SMTN: variants seen among roughly 807,000 people sequenced by gnomAD.
SMTN encodes the protein smoothelin.
Under a neutral mutation model 102.0 loss-of-function variants are expected in SMTN, and 58 were observed. That is an observed-to-expected ratio of 0.57 (90% CI 0.46 to 0.71). The LOEUF (loss-of-function observed/expected upper bound fraction) is 0.71, where lower values mean the gene tolerates loss of function less well. Among genes scored for constraint, SMTN ranks in the 30% least tolerant of loss-of-function variants. SMTN has a pLI of 0.00. For missense variants in SMTN, 1,185 were observed against 1,241.7 expected, an observed-to-expected ratio of 0.95 and a Z score of 0.69; for synonymous variants, 478 against 497.9, an observed-to-expected ratio of 0.96 and a Z score of 0.53.
chr22:31,085,335 A>T lies in SMTN; in HGVS notation c.51+2026A>T, dbSNP rs1217485870. On this transcript the variant is annotated intron_variant, in intron 2 of 20. Coordinates refer to ENST00000333137, the MANE Select transcript of SMTN (RefSeq NM_134269.3). Reference sequence around the variant, plus strand: ...GCGCCCTGCGAGGGAGGGCGGTCGCAGAACCTGCGGGCCTTCAGCGCCCCC... The same window carrying T: ...GCGCCCTGCGAGGGAGGGCGGTCGCTGAACCTGCGGGCCTTCAGCGCCCCC... The T allele has an allele frequency of 2.7e-6, 4 of 1,456,292 alleles. No individual in the cohort carries two copies. The Admixed American group carries it at 9.0e-5, about 33-fold the overall frequency. The allele number at this position is 1,456,292 out of a possible 1,614,324, so 90.2% of individuals were successfully genotyped here. A position where few individuals can be genotyped will look rare whatever the true frequency, so the allele number is the denominator to read the frequency against.
At chr22:31,081,187 G>A (rs1226075656), upstream of SMTN, 1 of 152,084 alleles carries the variant, frequency 6.6e-6, no homozygotes, top group African/African-American at 2.4e-5. Context: ...CTTCCTCTCG[G>A]GGCGTGGCCG....
At chr22:31,093,604 C>A in intron 11 of SMTN, 1 of 756,464 alleles carries the variant, frequency 1.3e-6, no homozygotes, top group East Asian at 2.5e-5. Context: ...GCCGGTGGCC[C>A]GGGCAGCTGA....
In SMTN at chr22:31,091,774, G is replaced by A. The variant is rs760492475; in HGVS notation, c.1559G>A (p.Arg520Gln). 2.8e-5 allele frequency: 45 copies of A among 1,610,308 alleles called. No individual in the cohort carries two copies. The highest frequency in any genetic ancestry group is 9.0e-5 in the East Asian group (4 of 44,644). Residue 520 changes from arginine to glutamine, a missense_variant, in exon 11 of 21, where the codon CGG becomes CAG. Arg to Gln is a conservative substitution (Grantham distance 43). Around this residue, in one of 2 missense-constraint regions of SMTN, gnomAD observed 1,096 missense variants for 1,112.7 expected, o/e 0.98. Transcript: ENST00000333137. The part of the protein sequence containing the change: ...TRVNSPGTLA[R>Q]LGSVTHVTSF... ...GTCAACAGCCCTGGGACCCTGGCTC[G>A]GCTGGGCAGTGTCACTCATGTCACC...
At chr22:31,085,431 A>G (rs1460839446) in intron 2 of SMTN, 2 of 745,940 alleles carry the variant, frequency 2.7e-6, no homozygotes, top group Non-Finnish European at 2.1e-6. Flanking sequence ...GAAAGCCTGG[A>G]GAGCCCCCTC....
intron 16 of SMTN, 58 bp from the exon 17 acceptor site, chr22:31,098,609 T>C: frequency 6.4e-7 from 1 of 1,562,938 alleles, no homozygotes; most frequent in Non-Finnish European, 8.7e-7. Flanking sequence ...CGAGTGGTGG[T>C]CCAGGCTGGG....
At chr22:31,097,177 G>A (rs2043662450) in intron 15 of SMTN, 92 bp from the exon 16 acceptor site, 5 of 1,490,518 alleles carry the variant, frequency 3.4e-6, no homozygotes, top group African/African-American at 1.4e-5. Flanking sequence ...TTCTCTGCCT[G>A]CGGCTATCAC....
At position 31,095,339 on chromosome 22, in the gene SMTN, G is replaced by T; in HGVS notation, c.1669G>T (p.Val557Leu). ...GCCAGCAGAGCCTCTCGCTGCAGCA[G>T]TGGAAGCGGCCAATGGGGCTGAGCA... ...AEPAEPLAAA[V>L]EAANGAEQTR... is the part of the protein sequence containing the mutation. The change falls in exon 12 of 21, where the codon GTG becomes TTG. Residue 557 changes from valine (V) to leucine (L), a missense_variant. Physicochemically the swap from Val to Leu is conservative, Grantham distance 32. Transcript: ENST00000333137. This position sits in a 1 kb window ranked among gnomAD's most constrained non-coding sequence, Gnocchi z 4.1. The T allele has an allele frequency of 6.2e-7, 1 of 1,614,190 alleles. No individual in the cohort carries two copies. Among genetic ancestry groups the T allele is most frequent in the Non-Finnish European group, 8.5e-7 (1 of 1,180,042 alleles).
At chr22:31,077,200 G>A (rs1483239767), upstream of SMTN, among the ~76,000 whole-genome samples, 1 of 152,098 alleles carries the variant, frequency 6.6e-6, no homozygotes, top group Non-Finnish European at 1.5e-5. Flanking sequence ...TTGAACCCAG[G>A]AGTTCGAGAC....
At chr22:31,076,047 C>CG (rs1366463958) in intron 1 of SMTN, among the ~76,000 whole-genome samples, 1 of 152,022 alleles carries the variant, frequency 6.6e-6, no homozygotes, top group Non-Finnish European at 1.5e-5. Flanking sequence ...TCGAGAAGGG[C>CG]GGGTAGGGCA....
Position 31,088,975 on chromosome 22 carries a change from G to T in SMTN, c.471+6G>T, listed in dbSNP as rs372857169. On this transcript the variant is annotated splice_donor_region_variant and intron_variant, in intron 6 of 20. Coordinates refer to ENST00000333137, the MANE Select transcript of SMTN (RefSeq NM_134269.3). ...ACAGGCTGGAACAGTGTGAGGTAAG[G>T]AGGGTGGGAGAGTGGCCCAGTGTCC... The T allele has an allele frequency of 6.2e-7, 1 of 1,610,606 alleles. No individual in the cohort carries two copies. The highest frequency in any genetic ancestry group is 2.2e-5 in the East Asian group (1 of 44,860).
intron 1 of SMTN, chr22:31,066,372 G>A (rs956400834): frequency 6.6e-6 from 1 of 151,294 alleles, no homozygotes. Flanking sequence ...ACAGTTGCAC[G>A]ATCTTGGCTC....
At position 31,091,246 on chromosome 22, in the gene SMTN, G is replaced by T; in HGVS notation, c.1223G>T (p.Arg408Leu). The change falls in exon 10 of 21, where the codon CGA (arginine) becomes CTA (leucine). Residue 408 changes from arginine (R) to leucine (L), a missense_variant. Arg to Leu is a moderately radical substitution (Grantham distance 102). Coordinates refer to ENST00000333137, the MANE Select transcript of SMTN (RefSeq NM_134269.3). ...RGVAQPLAQL[R>L]SCPQEEGPRG... is the part of the protein sequence containing the mutation. ...GTAGCCCAGCCCCTGGCCCAGCTTC[G>T]AAGCTGCCCCCAGGAGGAGGGCCCC... 1 of 1,605,542 alleles carries T rather than the reference G, an allele frequency of 6.2e-7. No homozygotes were observed.
At chr22:31,090,777 C>T (rs2043066895) in intron 8 of SMTN, 31 bp from the exon 9 acceptor site, 1 of 1,559,234 alleles carries the variant, frequency 6.4e-7, no homozygotes, top group African/African-American at 1.4e-5. Context: ...TCTTTCCCCA[C>T]ATGGCCATCA....
chr22:31,101,326 C>A, intron 20 of SMTN: 1 of 389,268 alleles, frequency 2.6e-6, no homozygotes, highest in Non-Finnish European at 4.7e-6. Flanking sequence ...GAAAAAAGTG[C>A]AAACTAAGCT....
chr22:31,075,395 G>A (rs1241206536), intron 1 of SMTN, among the ~76,000 whole-genome samples: 1 of 152,162 alleles, frequency 6.6e-6, no homozygotes, highest in African/African-American at 2.4e-5. Flanking sequence ...AAAGGGCTAA[G>A]AATAGTCTTA....
chr22:31,097,368 A>G (rs2043675157), intron 16 of SMTN, 30 bp downstream of exon 16: 3 of 1,597,974 alleles, frequency 1.9e-6, no homozygotes, highest in Middle Eastern at 1.7e-4. Context: ...CCCTGACCAT[A>G]GAGGAGTCAG....
At position 31,091,683 on chromosome 22, in the gene SMTN, C is replaced by T. The variant is rs528522732; in HGVS notation, c.1468C>T (p.Leu490=). The change falls in exon 11 of 21, where the codon CTG becomes TTG. Residue 490 remains leucine (L), a synonymous_variant. Coordinates refer to ENST00000333137, the MANE Select transcript of SMTN (RefSeq NM_134269.3). ...CCTTTCTCCCCACTCAGAACTGACA[C>T]TGGGGCTGCGGGCGCCCCCGACCCT... ...PTGNQRAELT[L]GLRAPPTLLS... is the part of the protein sequence containing the mutation. The T allele has an allele frequency of 7.5e-6, 12 of 1,593,202 alleles. 1 individual carries two copies. The Admixed American group carries it at 1.7e-4, about 23-fold the overall frequency.
chr22:31,076,347 G>A (rs1296716270), upstream of SMTN, among the ~76,000 whole-genome samples: 10 of 152,322 alleles, frequency 6.6e-5, no homozygotes, highest in South Asian at 2.1e-4. Context: ...CATCCACCCC[G>A]CTGTCTACAG....
intron 6 of SMTN, among the ~76,000 whole-genome samples, 199 bp from the exon 7 acceptor site, chr22:31,089,500 A>G (rs1248344996): frequency 6.6e-6 from 1 of 152,212 alleles, no homozygotes; most frequent in Non-Finnish European, 1.5e-5. Flanking sequence ...AGGTAGTGCC[A>G]AGAGATTGGG....
Sources: gnomAD v4.1 joint callset for allele counts (sites outside exome capture counted in the v4.1 genomes callset) on GRCh38, gnomAD v4.1.1 for gene constraint, gnomAD v4.1.1 regional missense constraint, Gnocchi (gnomAD v3.1) non-coding constraint, MANE v1.5 for transcripts, NCBI Gene and HGNC (gene_info 2026-07-23, HGNC 2026-07-21) for gene names.